The following RALYL variants were observed in gnomAD, a reference collection of about 807,000 sequenced individuals.
RALYL encodes the protein RNA-binding Raly-like protein.
A neutral mutation model predicts 35.1 loss-of-function variants in RALYL; 29 were observed. That is an observed-to-expected ratio of 0.83 (90% CI 0.61 to 1.13). RALYL has a LOEUF of 1.13. Among genes scored for constraint, RALYL ranks in the 50% most tolerant of loss-of-function variants. RALYL has a pLI of 0.00. For synonymous variants in RALYL, 120 were observed against 127.6 expected (o/e 0.94, Z 0.40); for missense variants, 359 against 360.4 (o/e 1.00, Z 0.03).
intron 2 of RALYL, among the ~76,000 whole-genome samples, chr8:84,711,339 G>A (rs753741520): frequency 6.6e-6 from 1 of 152,088 alleles, no homozygotes; most frequent in Non-Finnish European, 1.5e-5. Flanking sequence ...TAAGTGACTT[G>A]TGCAATAATT....
chr8:84,757,303 G>T (rs531091863), intron 2 of RALYL, among the ~76,000 whole-genome samples: 1 of 152,032 alleles, frequency 6.6e-6, no homozygotes, highest in Non-Finnish European at 1.5e-5. Context: ...TTGAGATTTA[G>T]CTTCAAAAGG....
intron 2 of RALYL, among the ~76,000 whole-genome samples, chr8:84,743,125 G>A (rs146352726): frequency 6.6e-6 from 1 of 152,134 alleles, no homozygotes; most frequent in Non-Finnish European, 1.5e-5. Context: ...TCTGATAGCT[G>A]TAACACTTTG....
At chr8:84,751,645 C>T (rs951360060) in intron 2 of RALYL, among the ~76,000 whole-genome samples, 7 of 151,948 alleles carry the variant, frequency 4.6e-5, no homozygotes, top group Non-Finnish European at 8.8e-5. Flanking sequence ...GTGGATTTCT[C>T]CCTTTGGTGC....
At chr8:84,579,600 G>T (rs1810368741) in intron 2 of RALYL, among the ~76,000 whole-genome samples, 1 of 152,214 alleles carries the variant, frequency 6.6e-6, no homozygotes, top group Admixed American at 6.5e-5. Flanking sequence ...TACTGTGCAT[G>T]TGTTTTTGAC....
intron 2 of RALYL, among the ~76,000 whole-genome samples, chr8:84,704,640 A>C (rs1396524814): frequency 1.3e-5 from 2 of 152,184 alleles, no homozygotes; most frequent in African/African-American, 4.8e-5. Flanking sequence ...ATGTACAGTA[A>C]TGCAGACACT....
chr8:84,334,336 C>T (rs953522192), intron 1 of RALYL, among the ~76,000 whole-genome samples: 2 of 151,910 alleles, frequency 1.3e-5, no homozygotes, highest in African/African-American at 2.4e-5. Flanking sequence ...AATTATACTA[C>T]ATAACAATTT....
At chr8:84,581,781 G>A (rs1303178625) in intron 2 of RALYL, among the ~76,000 whole-genome samples, 1 of 152,062 alleles carries the variant, frequency 6.6e-6, no homozygotes, top group Non-Finnish European at 1.5e-5. Context: ...GTAGTGTCTG[G>A]TACATAGTAA....
At chr8:84,584,251 T>G (rs1435053641) in intron 2 of RALYL, among the ~76,000 whole-genome samples, 1 of 152,166 alleles carries the variant, frequency 6.6e-6, no homozygotes, top group Non-Finnish European at 1.5e-5. Flanking sequence ...GCAGAACATA[T>G]ACAGAGGAAC....
chr8:84,560,001 T>G (rs936516781), intron 2 of RALYL, among the ~76,000 whole-genome samples: 12 of 150,604 alleles, frequency 8.0e-5, no homozygotes, highest in African/African-American at 2.9e-4. Flanking sequence ...TTGCCTCAAA[T>G]GGATGCTAAC....
chr8:84,450,646 C>A (rs1323633484), intron 1 of RALYL, among the ~76,000 whole-genome samples: 1 of 151,720 alleles, frequency 6.6e-6, no homozygotes, highest in African/African-American at 2.4e-5. Context: ...TTTTGAAGAC[C>A]TATAAAAGAG....
chr8:84,546,948 T>A (rs1217370834), intron 2 of RALYL, among the ~76,000 whole-genome samples: 2 of 140,264 alleles, frequency 1.4e-5, no homozygotes, highest in African/African-American at 5.2e-5. Context: ...TACATCTTAG[T>A]TCTAATTTTA....
At chr8:84,392,641 A>G (rs1860959049) in intron 1 of RALYL, among the ~76,000 whole-genome samples, 1 of 152,012 alleles carries the variant, frequency 6.6e-6, no homozygotes, top group Non-Finnish European at 1.5e-5. Context: ...ATCAGGAAAC[A>G]TTTTCAGGAG....
intron 1 of RALYL, among the ~76,000 whole-genome samples, chr8:84,278,681 G>A: frequency 6.6e-6 from 1 of 152,164 alleles, no homozygotes; most frequent in Non-Finnish European, 1.5e-5. Context: ...GCAAAATGCT[G>A]CCAGTCCCTT....
intron 2 of RALYL, among the ~76,000 whole-genome samples, chr8:84,604,249 C>T (rs1411999043): frequency 2.6e-5 from 4 of 151,986 alleles, no homozygotes; most frequent in Non-Finnish European, 2.9e-5. Flanking sequence ...GCTTGTAAGC[C>T]GTGAAATTCA....
intron 1 of RALYL, among the ~76,000 whole-genome samples, chr8:84,244,590 T>G (rs1828692867): frequency 1.3e-5 from 2 of 152,216 alleles, no homozygotes; most frequent in African/African-American, 4.8e-5. Context: ...TTACATCTGC[T>G]GCACTATTTC....
intron 1 of RALYL, among the ~76,000 whole-genome samples, chr8:84,437,384 G>A (rs190865185): frequency 1.3e-5 from 2 of 152,242 alleles, no homozygotes; most frequent in African/African-American, 4.8e-5. Context: ...CCCAGTAAAG[G>A]GATTGCTAGG....
intron 4 of RALYL, among the ~76,000 whole-genome samples, chr8:84,833,717 C>T (rs1319778283): frequency 6.6e-6 from 1 of 151,222 alleles, no homozygotes; most frequent in Non-Finnish European, 1.5e-5. Flanking sequence ...GACAAAAACA[C>T]TCAAGTATTT....
chr8:84,698,599 A>G (rs1255720646), intron 2 of RALYL, among the ~76,000 whole-genome samples: 2 of 152,134 alleles, frequency 1.3e-5, no homozygotes, highest in Non-Finnish European at 2.9e-5. Context: ...AATGAATTTT[A>G]TATAGATAAA....
chr8:84,906,961 G>C, intron 8 of RALYL: 1 of 985,252 alleles, frequency 1.0e-6, no homozygotes, highest in Non-Finnish European at 1.2e-6. Context: ...ACAAGCTCCG[G>C]GGTTGCCTGC....
Sources: gnomAD v4.1 joint callset for allele counts (sites outside exome capture counted in the v4.1 genomes callset) on GRCh38, gnomAD v4.1.1 for gene constraint, MANE v1.5 for transcripts, NCBI Gene and HGNC (gene_info 2026-07-23, HGNC 2026-07-21) for gene names.